VRTN: variants seen among roughly 807,000 people sequenced by gnomAD.
VRTN encodes vertebrae development associated.
In VRTN, 5 loss-of-function variants were observed where a neutral mutation model predicts 18.2. The ratio of observed to expected loss-of-function variants is 0.27; its 90% CI spans 0.14 to 0.58. The LOEUF (loss-of-function observed/expected upper bound fraction) is 0.58, where lower values mean the gene tolerates loss of function less well. VRTN is among the 20% of genes least tolerant of loss of function. VRTN has a pLI of 0.91. For missense variants in VRTN, 741 were observed against 939.4 expected (o/e 0.79, Z 2.76); for synonymous variants, 381 against 393.7 (o/e 0.97, Z 0.38).
intron 1 of VRTN, among the ~76,000 whole-genome samples, chr14:74,313,354 C>T (rs2085400579): frequency 6.6e-6 from 1 of 151,920 alleles, no homozygotes; most frequent in African/African-American, 2.4e-5. Context: ...AATGGCCATC[C>T]TAAGAAATTC....
chr14:74,308,990 G>T (rs1173510062), intron 1 of VRTN, among the ~76,000 whole-genome samples: 2 of 152,006 alleles, frequency 1.3e-5, no homozygotes, highest in Non-Finnish European at 2.9e-5. Flanking sequence ...ATCCTCTCGA[G>T]TAGCTGGGAT....
rs534683663 is a variant in VRTN, at chr14:74,318,431, C to T, written c.-164+15255C>T. 1.5e-3 allele frequency among the ~76,000 whole-genome samples: 225 copies of T among 152,136 alleles called. 4 individuals are homozygous for T. Among genetic ancestry groups the T allele is most frequent in the Non-Finnish European group, 5.3e-4 (36 of 68,014 alleles). On this transcript the variant is annotated intron_variant, in intron 1 of 2. Coordinates refer to the VRTN transcript ENST00000557177. ...GATTACAAGCATGCGCCACCACGCCCGGCTATTTTTGTATTTTTAGTGGAG... is the reference window on the plus strand; with the variant it reads ...GATTACAAGCATGCGCCACCACGCCTGGCTATTTTTGTATTTTTAGTGGAG...
At chr14:74,306,666 G>C (rs1172350047) in intron 1 of VRTN, 1 of 149,242 alleles carries the variant, frequency 6.7e-6, no homozygotes, top group Non-Finnish European at 1.5e-5. Context: ...AGAGTGCAGT[G>C]GGATAATAAT....
intron 1 of VRTN, among the ~76,000 whole-genome samples, chr14:74,322,296 T>G (rs1391869033): frequency 6.6e-6 from 1 of 151,568 alleles, no homozygotes; most frequent in Admixed American, 6.6e-5. Flanking sequence ...ACCACAGGAG[T>G]GCACCATCAG....
At chr14:74,341,773 C>A (rs1255241816) in intron 2 of VRTN, among the ~76,000 whole-genome samples, 1 of 152,136 alleles carries the variant, frequency 6.6e-6, no homozygotes, top group East Asian at 1.9e-4. Flanking sequence ...CATGCCTCGG[C>A]CTCTCAAAGT....
At chr14:74,304,239 C>T (rs2085264554) in intron 1 of VRTN, among the ~76,000 whole-genome samples, 1 of 151,996 alleles carries the variant, frequency 6.6e-6, no homozygotes, top group Non-Finnish European at 1.5e-5. Context: ...TCACTGCAAC[C>T]TGTGCCTCCC....
In VRTN at chr14:74,357,099, G is replaced by T; in HGVS notation, c.316G>T (p.Ala106Ser). Residue 106 changes from alanine to serine, a missense_variant, in exon 2 of 2, where the codon GCC becomes TCC. Transcript: ENST00000256362. The surrounding 1 kb of genome is among the most constrained non-coding windows in gnomAD (Gnocchi z 7.8). ...CGCAGGCCTCAGCCTGGAGCTGCGG[G>T]CCCGCACCGTGGTAGAGATGCTGCT... is the stretch of plus-strand genomic sequence containing the variant. The part of the protein sequence containing the change: ...GDAGLSLELR[A>S]RTVVEMLLHR... 1 of 1,603,942 alleles carries T rather than the reference G, an allele frequency of 6.2e-7. No individual in the cohort carries two copies.
chr14:74,312,254 C>G (rs914567656), intron 1 of VRTN, among the ~76,000 whole-genome samples: 4 of 152,148 alleles, frequency 2.6e-5, no homozygotes, highest in African/African-American at 9.7e-5. Context: ...CAATTAACAT[C>G]TTTGGATATA....
At chr14:74,315,481 T>C (rs1253867213) in intron 1 of VRTN, among the ~76,000 whole-genome samples, 1 of 152,164 alleles carries the variant, frequency 6.6e-6, no homozygotes, top group East Asian at 1.9e-4. Flanking sequence ...GGAGGACTGC[T>C]TGAGGCCAAG....
chr14:74,358,730 G>A lies in VRTN; in HGVS notation c.1947G>A (p.Thr649=), dbSNP rs777175973. 5.0e-6 allele frequency: 8 copies of A among 1,614,092 alleles called. No individual in the cohort carries two copies. The highest frequency in any genetic ancestry group is 4.0e-5 in the African/African-American group (3 of 74,950). ...TGGTGATGGACATGATCGCTACCAC[G>A]AAGTTCAAGGCCCAGGCCAAGCTGT... ...RMLVMDMIAT[T]KFKAQAKLFL... is the part of the protein sequence containing the mutation. Residue 649 remains threonine, a synonymous_variant, in exon 2 of 2, where the codon ACG becomes ACA. Transcript: ENST00000256362. The surrounding 1 kb of genome is among the most constrained non-coding windows in gnomAD (Gnocchi z 5.4).
chr14:74,322,367 C>T (rs2085461505), intron 1 of VRTN, among the ~76,000 whole-genome samples: 1 of 152,028 alleles, frequency 6.6e-6, no homozygotes, highest in Non-Finnish European at 1.5e-5. Context: ...CCAGACAGAT[C>T]TTGAACTCCT....
intron 1 of VRTN, among the ~76,000 whole-genome samples, chr14:74,327,710 T>TATTATTATTATTA (rs111392669): frequency 2.0e-4 from 30 of 151,102 alleles, no homozygotes; most frequent in African/African-American, 7.1e-4. Flanking sequence ...TTGATTTTAT[T>TATTATTATTATTA]TTATTATTAT....
chr14:74,311,006 C>G (rs1000939153), intron 1 of VRTN, among the ~76,000 whole-genome samples: 1 of 151,990 alleles, frequency 6.6e-6, no homozygotes, highest in African/African-American at 2.4e-5. Flanking sequence ...TTTTTAAAAT[C>G]TGTAAATGAG....
intron 1 of VRTN, among the ~76,000 whole-genome samples, chr14:74,337,284 A>G (rs2085571545): frequency 6.6e-6 from 1 of 152,068 alleles, no homozygotes; most frequent in Non-Finnish European, 1.5e-5. Context: ...CGGAGGTTGC[A>G]GTGAGCCGAG....
At chr14:74,350,730 C>G (rs1348187733) in intron 1 of VRTN, among the ~76,000 whole-genome samples, 1 of 152,136 alleles carries the variant, frequency 6.6e-6, no homozygotes, top group Non-Finnish European at 1.5e-5. Context: ...CAGGTGTGAA[C>G]TCGGACTAGG....
chr14:74,326,723 A>G (rs920149272), intron 1 of VRTN, among the ~76,000 whole-genome samples: 8 of 136,336 alleles, frequency 5.9e-5, no homozygotes, highest in Non-Finnish European at 9.8e-5. Flanking sequence ...AGTGCTAGAC[A>G]GCTGGAGCCG....
At chr14:74,344,733 T>TTAAAAAAAAAAAAAA (rs767374527), upstream of VRTN, among the ~76,000 whole-genome samples, 2 of 54,090 alleles carry the variant, frequency 3.7e-5, 1 homozygote, top group African/African-American at 2.5e-4. Context: ...AGACTCTGAC[T>TTAAAAAAAAAAAAAA]AAAAAAAAAA....
chr14:74,310,035 T>C (rs2085377308), intron 1 of VRTN, among the ~76,000 whole-genome samples: 1 of 152,038 alleles, frequency 6.6e-6, no homozygotes, highest in Non-Finnish European at 1.5e-5. Context: ...CCAGAATGCT[T>C]ATCAAAGGAG....
rs1567039607 is a variant in VRTN, at chr14:74,320,561, C to CTTTTTTTTTTTTTTT, written c.-163-17161_-163-17160insTTTTTTTTTTTTTTT. Among the ~76,000 whole-genome samples the CTTTTTTTTTTTTTTT allele has an allele frequency of 2.2e-5, 2 of 91,522 alleles. 1 individual carries two copies. The highest frequency in any genetic ancestry group is 9.1e-5 in the African/African-American group (2 of 22,070). The allele number at this position is 91,522 out of a possible 152,430, so 60.0% of individuals were successfully genotyped here. A position where few individuals can be genotyped will look rare whatever the true frequency, so the allele number is the denominator to read the frequency against. ...ACAGACTTGAGCCACTGCGCCCGGCCTCTTTTTTTTTTTTTTTTTTTTTTT... is the reference window on the plus strand; with the variant it reads ...ACAGACTTGAGCCACTGCGCCCGGCCTTTTTTTTTTTTTTTTCTTTTTTTTTTTTTTTTTTTTTTT... On this transcript the variant is annotated intron_variant, in intron 1 of 2. Transcript: ENST00000557177.
Sources: gnomAD v4.1 joint callset for allele counts (sites outside exome capture counted in the v4.1 genomes callset) on GRCh38, gnomAD v4.1.1 for gene constraint, Gnocchi (gnomAD v3.1) non-coding constraint, MANE v1.5 for transcripts, NCBI Gene and HGNC (gene_info 2026-07-23, HGNC 2026-07-21) for gene names.